The following PDE6C variants were observed in gnomAD, a reference collection of about 807,000 sequenced individuals.
The protein encoded by PDE6C is phosphodiesterase 6C.
Under a neutral mutation model 113.1 loss-of-function variants are expected in PDE6C, and 75 were observed. That is an observed-to-expected ratio of 0.66 (90% CI 0.55 to 0.80). The LOEUF is 0.80. PDE6C is among the 30% of genes least tolerant of loss of function. The pLI is 0.00. For missense variants in PDE6C, 912 were observed against 1,038.6 expected, an observed-to-expected ratio of 0.88 and a Z score of 1.67; for synonymous variants, 375 against 363.7, an observed-to-expected ratio of 1.03 and a Z score of -0.35.
chr10:93,647,685 C>T lies in PDE6C; in HGVS notation c.1935+1638C>T, dbSNP rs552960945. Among the ~76,000 whole-genome samples the T allele has an allele frequency of 2.0e-5, 3 of 152,306 alleles. No homozygotes were observed. The East Asian group carries it at 5.8e-4, about 29-fold the overall frequency. On this transcript the variant is annotated intron_variant, in intron 15 of 21. Transcript: ENST00000371447. ...GGCGGGGGCAGACAGGCTGTTAAGG[C>T]ACAGATCCTGGGCCCCATTCTCCAC...
At chr10:93,657,483 C>G (rs1418052094) in intron 16 of PDE6C, among the ~76,000 whole-genome samples, 2 of 151,852 alleles carry the variant, frequency 1.3e-5, no homozygotes, top group East Asian at 1.9e-4. Flanking sequence ...CTCGCCCAAC[C>G]TGTTGTGTGT....
intron 14 of PDE6C, among the ~76,000 whole-genome samples, chr10:93,642,370 T>G (rs528907586): frequency 5.9e-5 from 9 of 152,038 alleles, no homozygotes; most frequent in Non-Finnish European, 1.0e-4. Context: ...TCTCGGAAAA[T>G]AAATAAATAA....
At chr10:93,616,471 G>A (rs1387825222) in intron 1 of PDE6C, among the ~76,000 whole-genome samples, 9 of 152,110 alleles carry the variant, frequency 5.9e-5, no homozygotes, top group Non-Finnish European at 1.0e-4. Context: ...CCTAAGAAAT[G>A]GAGATAAGCA....
intron 11 of PDE6C, among the ~76,000 whole-genome samples, chr10:93,638,756 G>A (rs941419082): frequency 2.0e-5 from 3 of 152,072 alleles, no homozygotes; most frequent in Admixed American, 6.5e-5. Context: ...CCATCTTCAC[G>A]TACCTGAGTC....
At chr10:93,641,140 T>C (rs888152408) in intron 14 of PDE6C, 111 bp downstream of exon 14, 11 of 701,068 alleles carry the variant, frequency 1.6e-5, no homozygotes, top group African/African-American at 1.4e-4. Flanking sequence ...CTCTTTGCCA[T>C]GTTGGAAATT....
intron 1 of PDE6C, 22 bp downstream of exon 1, chr10:93,613,227 GGGCAGAGGTCTT>G: frequency 6.2e-7 from 1 of 1,613,248 alleles, no homozygotes; most frequent in Non-Finnish European, 8.5e-7. Flanking sequence ...TATGACAGTG[GGGCAGAGGTCTT>G]GGCAGGGTCA....
At chr10:93,648,509 A>ATTTTAATTTTTAATTT (rs1247486938) in intron 15 of PDE6C, among the ~76,000 whole-genome samples, 1 of 152,210 alleles carries the variant, frequency 6.6e-6, no homozygotes, top group African/African-American at 2.4e-5. Context: ...CACATTAAAA[A>ATTTTAATTTTTAATTT]TTTTAATTTT....
intron 15 of PDE6C, among the ~76,000 whole-genome samples, chr10:93,649,798 T>A (rs1589702619): frequency 6.6e-6 from 1 of 151,962 alleles, no homozygotes; most frequent in Non-Finnish European, 1.5e-5. Flanking sequence ...AGAGGCAGGG[T>A]TTCACCATGT....
chr10:93,662,925 T>C, intron 20 of PDE6C, 103 bp from the exon 21 acceptor site: 1 of 1,033,234 alleles, frequency 9.7e-7, no homozygotes, highest in South Asian at 1.4e-5. Context: ...TCCTAGCAGC[T>C]CTGAGTGCTG....
intron 1 of PDE6C, among the ~76,000 whole-genome samples, chr10:93,616,588 T>A (rs780859578): frequency 1.3e-5 from 2 of 151,924 alleles, no homozygotes; most frequent in African/African-American, 2.4e-5. Flanking sequence ...AGGAGCTGGA[T>A]ATGGTTGGCC....
At chr10:93,658,606 C>T (rs1282151499) in intron 16 of PDE6C, among the ~76,000 whole-genome samples, 1 of 152,020 alleles carries the variant, frequency 6.6e-6, no homozygotes, top group Non-Finnish European at 1.5e-5. Flanking sequence ...CCACTGCACC[C>T]GGCCTTATAT....
In PDE6C at chr10:93,640,493, C is replaced by G. The variant is rs2058554091; in HGVS notation, c.1673C>G (p.Ala558Gly). 6.2e-7 allele frequency: 1 copy of G among 1,613,790 alleles called. No homozygotes were observed. The highest frequency in any genetic ancestry group is 8.5e-7 in the Non-Finnish European group (1 of 1,179,738). ...TACACTGTGAGGAAAGGGTACCGAG[C>G]TGTCACTTACCACAATTGGCGGCAT... The part of the protein sequence containing the change: ...WMYTVRKGYR[A>G]VTYHNWRHGF... Residue 558 changes from alanine to glycine, a missense_variant, in exon 13 of 22, where the codon GCT becomes GGT. Transcript: ENST00000371447.
chr10:93,640,426 C>T (rs763722531), intron 12 of PDE6C, 24 bp from the exon 13 acceptor site: 3 of 1,540,272 alleles, frequency 1.9e-6, no homozygotes, highest in Middle Eastern at 3.4e-4. Context: ...ATTCCAAAGT[C>T]TGAATGGTGT....
At chr10:93,649,763 C>T (rs1358520569) in intron 15 of PDE6C, among the ~76,000 whole-genome samples, 2 of 152,070 alleles carry the variant, frequency 1.3e-5, no homozygotes, top group Admixed American at 1.3e-4. Context: ...CACCACCACT[C>T]CCGGTTAATT....
intron 16 of PDE6C, among the ~76,000 whole-genome samples, chr10:93,658,688 CT>C (rs2058652032): frequency 6.6e-6 from 1 of 151,370 alleles, no homozygotes; most frequent in Non-Finnish European, 1.5e-5. Context: ...CTCTCTCTCT[CT>C]CTGTATGGTT....
At chr10:93,621,035 C>G in intron 3 of PDE6C, 55 bp downstream of exon 3, 2 of 1,413,716 alleles carry the variant, frequency 1.4e-6, no homozygotes, top group African/African-American at 1.4e-5. Flanking sequence ...ACAAAGCCGC[C>G]CAGAGACAAC....
chr10:93,613,055 G>A lies in PDE6C; in HGVS notation c.330G>A (p.Val110=). The A allele has an allele frequency of 3.7e-6, 6 of 1,614,204 alleles. No homozygotes were observed. Among genetic ancestry groups the A allele is most frequent in the African/African-American group, 1.3e-5 (1 of 75,048 alleles). ...GGTCCCGGAACGGCATACCTGAGGT[G>A]GCCTCTAGGTTGCTGGATGTCACCC... ...LCRSRNGIPE[V]ASRLLDVTPT... Residue 110 remains valine, a synonymous_variant, in exon 1 of 22, where the codon GTG becomes GTA. Coordinates refer to ENST00000371447, the MANE Select transcript of PDE6C (RefSeq NM_006204.4).
chr10:93,618,016 G>T (rs1680380629), intron 1 of PDE6C, among the ~76,000 whole-genome samples: 2 of 152,080 alleles, frequency 1.3e-5, no homozygotes, highest in Non-Finnish European at 2.9e-5. Flanking sequence ...CCAGAGAGAG[G>T]TAACAGATAA....
At chr10:93,648,060 TG>T (rs1356744884) in intron 15 of PDE6C, among the ~76,000 whole-genome samples, 1 of 152,216 alleles carries the variant, frequency 6.6e-6, no homozygotes, top group Non-Finnish European at 1.5e-5. Flanking sequence ...AACAAAATAC[TG>T]TTTTAAAACA....
Sources: gnomAD v4.1 joint callset for allele counts (sites outside exome capture counted in the v4.1 genomes callset) on GRCh38, gnomAD v4.1.1 for gene constraint, MANE v1.5 for transcripts, NCBI Gene and HGNC (gene_info 2026-07-23, HGNC 2026-07-21) for gene names.